The following MAGEC3 variants were observed in gnomAD, a reference collection of about 807,000 sequenced individuals.
MAGEC3 encodes the protein melanoma-associated antigen C3.
In MAGEC3, 34 loss-of-function variants were observed where a neutral mutation model predicts 35.3. That is an observed-to-expected ratio of 0.96 (90% CI 0.73 to 1.28). The LOEUF is 1.28. Among genes scored for constraint, MAGEC3 ranks in the 50% most tolerant of loss-of-function variants. MAGEC3 has a pLI of 0.00. For synonymous variants in MAGEC3, 202 were observed against 185.6 expected, an observed-to-expected ratio of 1.09 and a Z score of -0.72; for missense variants, 561 against 483.6, an observed-to-expected ratio of 1.16 and a Z score of -1.50.
At chrX:141,855,390 T>C (rs146165579) in intron 1 of MAGEC3, among the ~76,000 whole-genome samples, 3,720 of 111,295 alleles carry the variant, frequency 0.033, 182 homozygotes, top group African/African-American at 0.11. Flanking sequence ...TAACTAATAG[T>C]CATTACCTTG....
At chrX:141,876,494 T>TA (rs745584426) in intron 2 of MAGEC3, among the ~76,000 whole-genome samples, 1 of 111,800 alleles carries the variant, frequency 8.9e-6, no homozygotes, top group Admixed American at 9.5e-5. Flanking sequence ...ACTCTTATCT[T>TA]ACTTCTCCCT....
Position 141,879,308 on chromosome X carries a change from T to C in MAGEC3, c.392T>C (p.Leu131Pro). The change falls in exon 3 of 8, where the codon CTC (leucine) becomes CCC (proline). Residue 131 changes from leucine to proline, a missense_variant. Physicochemically the swap from Leu to Pro is moderately conservative, Grantham distance 98. Coordinates refer to ENST00000298296, the MANE Select transcript of MAGEC3 (RefSeq NM_138702.1). ...KQREEPQDWPLNEKRTLWKDS... is the reference protein window; with the variant it reads ...KQREEPQDWPPNEKRTLWKDS... ...AGGGAGGAACCCCAGGACTGGCCAC[T>C]CAACGAGAAGAGAACTCTGTGGAAG... 1 of 1,205,440 alleles carries C rather than the reference T, an allele frequency of 8.3e-7. No homozygotes were observed. Among genetic ancestry groups the C allele is most frequent in the South Asian group, 1.8e-5 (1 of 55,587 alleles).
intron 1 of MAGEC3, among the ~76,000 whole-genome samples, chrX:141,851,783 A>G (rs1295300498): frequency 9.0e-6 from 1 of 111,391 alleles, no homozygotes; most frequent in East Asian, 2.8e-4. Context: ...GAACTCTTCT[A>G]TTCCATTGAT....
At chrX:141,870,466 T>C (rs2017880670) in intron 2 of MAGEC3, among the ~76,000 whole-genome samples, 1 of 111,730 alleles carries the variant, frequency 9.0e-6, no homozygotes, top group Admixed American at 9.5e-5. Flanking sequence ...TAATACCCTT[T>C]TGAGTTTAGT....
At chrX:141,858,309 G>A (rs2017794139) in intron 1 of MAGEC3, among the ~76,000 whole-genome samples, 1 of 110,496 alleles carries the variant, frequency 9.1e-6, no homozygotes. Flanking sequence ...TTTGTCTTGG[G>A]CTGAAAAATA....
At position 141,876,605 on chromosome X, in the gene MAGEC3, T is replaced by C. The variant is rs1321116103; in HGVS notation, c.259-2570T>C. ...ATACTGCGAACTTGCTTAAAGATAA[T>C]TTATACAAAGACTTATTATTCTAAG... On this transcript the variant is annotated intron_variant, in intron 2 of 7. Coordinates refer to ENST00000298296, the MANE Select transcript of MAGEC3 (RefSeq NM_138702.1). Among the ~76,000 whole-genome samples, 2 of 112,416 alleles carry C rather than the reference T, an allele frequency of 1.8e-5. 1 individual carries two copies. The highest frequency in any genetic ancestry group is 6.5e-5 in the African/African-American group (2 of 30,897).
chrX:141,851,652 C>T, intron 1 of MAGEC3, among the ~76,000 whole-genome samples: 1 of 110,752 alleles, frequency 9.0e-6, no homozygotes, highest in Admixed American at 9.7e-5. Flanking sequence ...TGCATTTTTT[C>T]CTTGTCCCAG....
intron 2 of MAGEC3, among the ~76,000 whole-genome samples, chrX:141,877,425 C>T (rs1035411318): frequency 9.0e-6 from 1 of 111,711 alleles, no homozygotes; most frequent in Non-Finnish European, 1.9e-5. Flanking sequence ...TGACAAAAAA[C>T]GAAGTTGATA....
rs774694754 is a variant in MAGEC3 at position 141,879,403 on chromosome X, A to G, written c.487A>G (p.Lys163Glu). 3.4e-6 allele frequency: 4 copies of G among 1,183,995 alleles called. No homozygotes were observed. In the African/African-American group the frequency reaches 7.2e-5, roughly 21 times the overall value. The change falls in exon 3 of 8, where the codon AAA (lysine) becomes GAA (glutamate). Residue 163 changes from lysine to glutamate, a missense_variant. By Grantham distance (56) the Lys-to-Glu change is moderately conservative. Transcript: ENST00000298296. ...TTCCCTTCCTGCCGTCAGCCCTGGA[A>G]AAAGGTTGTGGGGGGAGAAAGCGGG... ...TLSLPAVSPG[K>E]RLWGEKAGSL...
In MAGEC3 at chrX:141,868,608, T is replaced by C. The variant is rs776617762; in HGVS notation, c.258+3003T>C. On this transcript the variant is annotated intron_variant, in intron 2 of 7. Coordinates refer to ENST00000298296, the MANE Select transcript of MAGEC3 (RefSeq NM_138702.1). Reference sequence around the variant, plus strand: ...TGGAACTTTGTTTCATGGAAGGAATTTGAGATAAGACTTTTAAAAGCCAAG... The same window carrying C: ...TGGAACTTTGTTTCATGGAAGGAATCTGAGATAAGACTTTTAAAAGCCAAG... Among the ~76,000 whole-genome samples, 69 of 111,010 alleles carry C rather than the reference T, an allele frequency of 6.2e-4. 1 individual carries two copies. Among genetic ancestry groups the C allele is most frequent in the Non-Finnish European group, 1.3e-4 (7 of 52,971 alleles).
intron 1 of MAGEC3, among the ~76,000 whole-genome samples, chrX:141,841,495 T>G (rs972175158): frequency 2.7e-5 from 3 of 111,928 alleles, no homozygotes; most frequent in Non-Finnish European, 5.7e-5. Context: ...AACCTGCACA[T>G]ATATCCTTGA....
intron 2 of MAGEC3, among the ~76,000 whole-genome samples, chrX:141,874,818 TAA>T (rs11396160): frequency 1.2e-4 from 12 of 97,649 alleles, no homozygotes; most frequent in African/African-American, 3.7e-4. Flanking sequence ...CTGGAAATGG[TAA>T]AAAAAAAAAA....
chrX:141,856,161 C>T (rs1303075206), intron 1 of MAGEC3, among the ~76,000 whole-genome samples: 2 of 111,494 alleles, frequency 1.8e-5, no homozygotes, highest in African/African-American at 6.5e-5. Context: ...TTTTTCATAA[C>T]TTAGAAAGCG....
At chrX:141,873,301 C>T (rs1004878103) in intron 2 of MAGEC3, among the ~76,000 whole-genome samples, 1 of 110,890 alleles carries the variant, frequency 9.0e-6, no homozygotes, top group African/African-American at 3.3e-5. Context: ...CTGCTTTTAG[C>T]TTCCCAATCT....
intron 1 of MAGEC3, among the ~76,000 whole-genome samples, chrX:141,850,872 C>G (rs1054739641): frequency 1.8e-5 from 2 of 110,820 alleles, no homozygotes; most frequent in Non-Finnish European, 3.8e-5. Flanking sequence ...TAGAAAGACT[C>G]AAAATTGTTG....
rs764947035 is a variant in MAGEC3, at chrX:141,880,392, A to G, written c.515+961A>G. Among the ~76,000 whole-genome samples, 1,029 of 105,409 alleles carry G rather than the reference A, an allele frequency of 9.8e-3. 16 individuals carry two copies. The highest frequency in any genetic ancestry group is 0.035 in the African/African-American group (990 of 28,050). The allele number at this position is 105,409 out of a possible 115,157, so 91.5% of individuals were successfully genotyped here. ...ATGCTAATTAAATTCTGATGGGACC[A>G]TGCAGTCCAGAACTGTGGGGCTCTG... On this transcript the variant is annotated intron_variant, in intron 3 of 7. Transcript: ENST00000298296.
At chrX:141,871,355 G>T (rs1301870118) in intron 2 of MAGEC3, among the ~76,000 whole-genome samples, 3 of 108,159 alleles carry the variant, frequency 2.8e-5, no homozygotes, top group Non-Finnish European at 5.7e-5. Context: ...GGAAAACAGA[G>T]ATTTTTTTTC....
intron 1 of MAGEC3, among the ~76,000 whole-genome samples, chrX:141,863,405 CATT>C (rs1374522212): frequency 1.8e-5 from 2 of 111,261 alleles, no homozygotes; most frequent in South Asian, 7.4e-4. Flanking sequence ...GGATACATGA[CATT>C]ATATATTTGT....
intron 4 of MAGEC3, among the ~76,000 whole-genome samples, chrX:141,890,239 C>G (rs1184483173): frequency 9.0e-6 from 1 of 111,215 alleles, no homozygotes; most frequent in Non-Finnish European, 1.9e-5. Flanking sequence ...GAGTCTCGCT[C>G]TGTCACCCAG....
Sources: allele counts gnomAD v4.1 joint callset (sites outside exome capture counted in the v4.1 genomes callset), GRCh38; gene constraint gnomAD v4.1.1; transcripts MANE v1.5; gene names NCBI Gene and HGNC (gene_info 2026-07-23, HGNC 2026-07-21).